Variants in NDUFA3 observed in about 807,000 individuals in gnomAD.
NDUFA3 encodes the protein NADH dehydrogenase [ubiquinone] 1 alpha subcomplex subunit 3.
NDUFA3 carries 10 observed loss-of-function variants against 11.4 expected under a neutral mutation model. The ratio of observed to expected loss-of-function variants is 0.87; its 90% CI spans 0.54 to 1.48. The LOEUF (loss-of-function observed/expected upper bound fraction) is 1.48. NDUFA3 is among the 40% of genes most tolerant of loss of function. The pLI is 0.00. For missense variants in NDUFA3, 115 were observed against 110.5 expected (o/e 1.04, Z -0.18); for synonymous variants, 39 against 46.9 (o/e 0.83, Z 0.68).
At chr19:54,102,938 T>C in intron 1 of NDUFA3, 50 bp downstream of exon 1, 1 of 1,599,424 alleles carries the variant, frequency 6.3e-7, no homozygotes, top group Non-Finnish European at 8.5e-7. Context: ...TCTGGGAACC[T>C]CTGGGCGGTC....
chr19:54,102,972 AG>A, intron 1 of NDUFA3, 84 bp downstream of exon 1: 11 of 1,563,282 alleles, frequency 7.0e-6, no homozygotes, highest in African/African-American at 1.4e-5. Flanking sequence ...GCGGCAGGGC[AG>A]GGGTGGAAGC....
chr19:54,106,158 G>T, intron 3 of NDUFA3, 147 bp downstream of exon 3: 1 of 720,530 alleles, frequency 1.4e-6, no homozygotes, highest in Admixed American at 2.7e-5. Context: ...TAAGAATTGA[G>T]ATATAATTCG....
chr19:54,104,224 G>A lies in NDUFA3; in HGVS notation c.85+1036G>A, dbSNP rs184213199. On this transcript the variant is annotated intron_variant, in intron 2 of 3. Coordinates refer to ENST00000485876, the MANE Select transcript of NDUFA3 (RefSeq NM_004542.4). ...TTGATCATGGCTCACTGCAACCTCC[G>A]CCTCTAGGGTTCAAGTGATTCTCCT... is the stretch of plus-strand genomic sequence containing the variant. Among the ~76,000 whole-genome samples, 1,226 of 137,524 alleles carry A rather than the reference G, an allele frequency of 8.9e-3. 19 individuals are homozygous for A. The highest frequency in any genetic ancestry group is 0.032 in the African/African-American group (1,169 of 36,318). 90.2% of individuals were successfully genotyped at this position (137,524 alleles called of 152,430 possible).
In NDUFA3 at chr19:54,107,016, G is replaced by A. The variant is rs752254542; in HGVS notation, c.*114G>A. On this transcript the variant is annotated 3_prime_UTR_variant, in exon 4 of 4. Transcript: ENST00000485876. ...AGGTGGGAACAAGTAGACGGTGGCCGGGGTGAGTGTGGGGTCAGTTTATTG... is the reference window on the plus strand; with the variant it reads ...AGGTGGGAACAAGTAGACGGTGGCCAGGGTGAGTGTGGGGTCAGTTTATTG... 39 of 1,608,048 alleles carry A rather than the reference G, an allele frequency of 2.4e-5. No homozygotes were observed. The highest frequency in any genetic ancestry group is 3.3e-4 in the Middle Eastern group (2 of 6,012).
rs772953951 is a variant in NDUFA3 at position 54,103,239 on chromosome 19, A to T, written c.85+51A>T. On this transcript the variant is annotated intron_variant, in intron 2 of 3. Transcript: ENST00000485876. ...TTGCATCGTCCACCCCCGTCCCCCT[A>T]CATCCCTCCATCTTGTACCCCTAAA... 8 of 1,526,948 alleles carry T rather than the reference A, an allele frequency of 5.2e-6. No homozygotes were observed. The South Asian group carries it at 8.8e-5, about 17-fold the overall frequency. The allele number at this position is 1,526,948 out of a possible 1,614,324, so 94.6% of individuals were successfully genotyped here.
At chr19:54,104,135 C>CTTTTT (rs58827171) in intron 2 of NDUFA3, among the ~76,000 whole-genome samples, 4 of 88,626 alleles carry the variant, frequency 4.5e-5, no homozygotes, top group Non-Finnish European at 6.4e-5. Flanking sequence ...GCCCGGCCAG[C>CTTTTT]TTTTTTTTTT....
At chr19:54,105,706 G>C in intron 2 of NDUFA3, 1 of 690,980 alleles carries the variant, frequency 1.4e-6, no homozygotes, top group South Asian at 1.6e-5. Flanking sequence ...ACGTATCTGT[G>C]AGTGTTAGGC....
At chr19:54,104,524 G>A (rs2073197402) in intron 2 of NDUFA3, among the ~76,000 whole-genome samples, 1 of 152,134 alleles carries the variant, frequency 6.6e-6, no homozygotes, top group African/African-American at 2.4e-5. Flanking sequence ...TGGTCCACCA[G>A]CCAGGCACTA....
chr19:54,106,871 G>A lies in NDUFA3; in HGVS notation c.224G>A (p.Gly75Asp), dbSNP rs775919705. The change falls in exon 4 of 4, where the codon GGC becomes GAC. Residue 75 changes from glycine (G) to aspartate (D), a missense_variant. By Grantham distance (94) the Gly-to-Asp change is moderately conservative. Coordinates refer to ENST00000485876, the MANE Select transcript of NDUFA3 (RefSeq NM_004542.4). ...DVPSHPQDPQ[G>D]PSLEWLKKL ...CCCAGCCACCCCCAGGACCCTCAGG[G>A]CCCCAGCCTGGAGTGGCTGAAGAAA... 6.2e-7 allele frequency: 1 copy of A among 1,613,640 alleles called. No homozygotes were observed. The highest frequency in any genetic ancestry group is 2.2e-5 in the East Asian group (1 of 44,872).
intron 3 of NDUFA3, 173 bp downstream of exon 3, chr19:54,106,184 T>C: frequency 1.5e-6 from 1 of 646,822 alleles, no homozygotes; most frequent in Non-Finnish European, 2.6e-6. Flanking sequence ...TATTCTGTGT[T>C]TGTGCTTCGT....
Position 54,102,862 on chromosome 19 carries a change from C to T in NDUFA3, c.-17C>T, listed in dbSNP as rs2073126927. 5 of 1,608,370 alleles carry T rather than the reference C, an allele frequency of 3.1e-6. No homozygotes were observed. In the South Asian group the frequency reaches 3.3e-5, roughly 11 times the overall value. On this transcript the variant is annotated 5_prime_UTR_variant, in exon 1 of 4. Transcript: ENST00000485876. ...GTGCTCCGCGTCCTCGCCGCTGTCG[C>T]CGCCGCGGAGACAAAGATGGCTGCG...
At chr19:54,106,619 G>A (rs758195218) in intron 3 of NDUFA3, 192 bp from the exon 4 acceptor site, 10 of 500,882 alleles carry the variant, frequency 2.0e-5, no homozygotes, top group Admixed American at 3.9e-5. Flanking sequence ...TCTCTCCCTC[G>A]CTATCTCTCT....
intron 3 of NDUFA3, 198 bp downstream of exon 3, chr19:54,106,209 G>T (rs924685953): frequency 1.5e-5 from 9 of 585,138 alleles, no homozygotes; most frequent in Non-Finnish European, 2.4e-5. Flanking sequence ...GTTTTTTGGG[G>T]TTTTTTTGAG....
chr19:54,107,118 T>C lies in NDUFA3; in HGVS notation c.*216T>C. The C allele has an allele frequency of 1.2e-6, 2 of 1,613,780 alleles. No homozygotes were observed. The highest frequency in any genetic ancestry group is 1.7e-6 in the Non-Finnish European group (2 of 1,179,912). On this transcript the variant is annotated 3_prime_UTR_variant, in exon 4 of 4. Transcript: ENST00000485876. ...TTGTCTGGACCCCGAGAAACCCAACTGGAATCCAGGGCCTCATCTGCTTCA... is the reference window on the plus strand; with the variant it reads ...TTGTCTGGACCCCGAGAAACCCAACCGGAATCCAGGGCCTCATCTGCTTCA...
intron 2 of NDUFA3, among the ~76,000 whole-genome samples, chr19:54,104,688 T>C (rs1489750891): frequency 9.2e-5 from 14 of 152,198 alleles, no homozygotes; most frequent in African/African-American, 3.1e-4. Flanking sequence ...AATAATCTTT[T>C]GTTGATTACA....
At position 54,105,967 on chromosome 19, in the gene NDUFA3, A is replaced by G. The variant is rs1344673396; in HGVS notation, c.119A>G (p.Lys40Arg). The G allele has an allele frequency of 1.9e-6, 3 of 1,613,824 alleles. No homozygotes were observed. The highest frequency in any genetic ancestry group is 2.2e-5 in the East Asian group (1 of 44,842). Residue 40 changes from lysine to arginine, a missense_variant, in exon 3 of 4, where the codon AAG becomes AGG. By Grantham distance (26) the Lys-to-Arg change is conservative (BLOSUM62 2). Transcript: ENST00000485876. ...CTGCCCCCATTGAGCCCCTACTTCA[A>G]GTACTCCGTCATGATCAACAAGGCC... is the stretch of plus-strand genomic sequence containing the variant. Reference protein sequence around the residue: ...VILPPLSPYFKYSVMINKATP... With the variant: ...VILPPLSPYFRYSVMINKATP...
Position 54,106,975 on chromosome 19 carries a change from G to A in NDUFA3, c.*73G>A, listed in dbSNP as rs2073282822. 19 of 1,603,742 alleles carry A rather than the reference G, an allele frequency of 1.2e-5. No homozygotes were observed. Among genetic ancestry groups the A allele is most frequent in the Non-Finnish European group, 1.5e-5 (18 of 1,173,520 alleles). ...TGTGAAAACCAACCCCCGAACGTGA[G>A]CATGTGTGTGATCAGAGGTGGGAAC... On this transcript the variant is annotated 3_prime_UTR_variant, in exon 4 of 4. Transcript: ENST00000485876.
intron 3 of NDUFA3, 150 bp from the exon 4 acceptor site, chr19:54,106,661 C>T (rs1197957224): frequency 3.4e-6 from 2 of 585,420 alleles, no homozygotes; most frequent in Non-Finnish European, 5.8e-6. Context: ...TCTGTATTTC[C>T]CGCCTCTTTC....
intron 2 of NDUFA3, among the ~76,000 whole-genome samples, chr19:54,104,527 A>G (rs1368191419): frequency 3.9e-5 from 6 of 152,164 alleles, no homozygotes; most frequent in African/African-American, 1.4e-4. Context: ...TCCACCAGCC[A>G]GGCACTAGGT....
Sources: gnomAD v4.1 joint callset for allele counts (sites outside exome capture counted in the v4.1 genomes callset) on GRCh38, gnomAD v4.1.1 for gene constraint, MANE v1.5 for transcripts, NCBI Gene and HGNC (gene_info 2026-07-23, HGNC 2026-07-21) for gene names.